Variants in ABCA2 observed in about 807,000 individuals in gnomAD.
ABCA2 encodes the protein ATP-binding cassette sub-family A member 2.
Under a neutral mutation model 262.8 loss-of-function variants are expected in ABCA2, and 84 were observed. The observed-to-expected ratio is 0.32, with a 90% CI of 0.27 to 0.38. The LOEUF (loss-of-function observed/expected upper bound fraction) is 0.38, where lower values mean the gene tolerates loss of function less well. Ranked by LOEUF, ABCA2 falls within the 10% of genes least tolerant of loss-of-function variation. The pLI is 1.00. For synonymous variants in ABCA2, 1,696 were observed against 1,502.9 expected (o/e 1.13, Z -2.97); for missense variants, 2,662 against 3,405.9 (o/e 0.78, Z 5.44).
chr9:137,009,332 G>GGGCCCCCCCCC, intron 45 of ABCA2, 38 bp downstream of exon 45: 15 of 980,410 alleles, frequency 1.5e-5, no homozygotes, highest in Non-Finnish European at 2.2e-5. Context: ...CCCCCCCCGG[G>GGGCCCCCCCCC]CCCGCCCCAG....
In ABCA2 at chr9:137,022,342, C is replaced by T. The variant is rs2131466862; in HGVS notation, c.567+9G>A. 6.3e-7 allele frequency: 1 copy of T among 1,596,294 alleles called. No homozygotes were observed. Among genetic ancestry groups the T allele is most frequent in the East Asian group, 2.2e-5 (1 of 44,448 alleles). Reference sequence around the variant, plus strand: ...GAGTGGCCAGGGCTGGGAGCTGTCCCTGCCTTACCTCGGGCGGGTCCACAC... The same window carrying T: ...GAGTGGCCAGGGCTGGGAGCTGTCCTTGCCTTACCTCGGGCGGGTCCACAC... On this transcript the variant is annotated intron_variant, in intron 6 of 48. Transcript: ENST00000341511.
Position 137,011,989 on chromosome 9 carries a change from A to G in ABCA2, c.5390T>C (p.Ile1797Thr). 6.2e-7 allele frequency: 1 copy of G among 1,612,622 alleles called. No homozygotes were observed. Among genetic ancestry groups the G allele is most frequent in the Non-Finnish European group, 8.5e-7 (1 of 1,179,926 alleles). The change falls in exon 35 of 49, where the codon ATC (isoleucine) becomes ACC (threonine). Residue 1797 changes from isoleucine (I) to threonine (T), a missense_variant. Ile to Thr is a moderately conservative substitution (Grantham distance 89). Transcript: ENST00000341511. This position sits in a 1 kb window ranked among gnomAD's most constrained non-coding sequence, Gnocchi z 8.8. ...GAAGGACATGGCCACGATGATGAAG[A>G]TGGCGATGACGACATCCGTGCCCTG... ...LLQGTDVVIA[I>T]FIIVAMSFVP...
Position 137,019,051 on chromosome 9 carries a change from A to G in ABCA2, c.1574T>C (p.Leu525Pro). 1.2e-6 allele frequency: 2 copies of G among 1,611,634 alleles called. No homozygotes were observed. The highest frequency in any genetic ancestry group is 1.7e-6 in the Non-Finnish European group (2 of 1,179,066). ...WLQQYVAELR[L>P]HPEALNLSLD... ...TGACAGGTTCAGTGCCTCGGGGTGC[A>G]GCCGCAGCTCTGCTACATACTTGGG... Residue 525 changes from leucine (L) to proline (P), a missense_variant, in exon 12 of 49, where the codon CTG becomes CCG. This residue lies in a region of ABCA2 where 187 missense variants were observed against 205.9 expected (regional missense o/e 0.91). Coordinates refer to ENST00000341511, the MANE Select transcript of ABCA2 (RefSeq NM_001606.5). This position sits in a 1 kb window ranked among gnomAD's most constrained non-coding sequence, Gnocchi z 4.4.
rs775082626 is a variant in ABCA2 at position 137,015,112 on chromosome 9, G to A, written c.3698-15C>T. On this transcript the variant is annotated splice_polypyrimidine_tract_variant and intron_variant, in intron 24 of 48. Transcript: ENST00000341511. ...CAGCCCTGGCTCTGTGGGGGACGTG[G>A]GAGCAGGAAGGAATTCACTCAGGGG... 3 of 1,559,924 alleles carry A rather than the reference G, an allele frequency of 1.9e-6. No individual in the cohort carries two copies. Among genetic ancestry groups the A allele is most frequent in the South Asian group, 2.4e-5 (2 of 82,986 alleles).
Position 137,019,109 on chromosome 9 carries a change from T to C in ABCA2, c.1555-39A>G. The C allele has an allele frequency of 6.2e-7, 1 of 1,602,214 alleles. No individual in the cohort carries two copies. The highest frequency in any genetic ancestry group is 1.3e-5 in the African/African-American group (1 of 74,842). On this transcript the variant is annotated intron_variant, in intron 11 of 48. Coordinates refer to ENST00000341511, the MANE Select transcript of ABCA2 (RefSeq NM_001606.5). The surrounding 1 kb of genome is among the most constrained non-coding windows in gnomAD (Gnocchi z 4.4). Reference sequence around the variant, plus strand: ...GGCGGCTCAGAGGGGGACCTGCGCCTGCCGAGCCGGGCAGAGAGGGGCTCC... The same window carrying C: ...GGCGGCTCAGAGGGGGACCTGCGCCCGCCGAGCCGGGCAGAGAGGGGCTCC...
In ABCA2 at chr9:137,015,979, G is replaced by C. The variant is rs772572717; in HGVS notation, c.3300C>G (p.Ile1100Met). The change falls in exon 22 of 49, where the codon ATC (isoleucine) becomes ATG (methionine). Residue 1100 changes from isoleucine to methionine, a missense_variant. By Grantham distance (10) the Ile-to-Met change is conservative (BLOSUM62 1). This residue lies in a region of ABCA2 where 180 missense variants were observed against 307.3 expected (regional missense o/e 0.59). Coordinates refer to ENST00000341511, the MANE Select transcript of ABCA2 (RefSeq NM_001606.5). ...SRLKSMAQEE[I>M]RREMDKMIED... is the part of the protein sequence containing the mutation. ...CCACCCACTTGTCCATCTCTCTGCG[G>C]ATCTCCTCCTGAGCCATGCTCTTGA... is the stretch of plus-strand genomic sequence containing the variant. The C allele has an allele frequency of 1.3e-6, 2 of 1,599,094 alleles. No homozygotes were observed. The highest frequency in any genetic ancestry group is 1.7e-6 in the Non-Finnish European group (2 of 1,171,744).
intron 16 of ABCA2, 47 bp from the exon 17 acceptor site, chr9:137,017,739 C>A (rs1413265440): frequency 6.2e-7 from 1 of 1,608,868 alleles, no homozygotes; most frequent in Admixed American, 1.7e-5. Flanking sequence ...GAGGACGCCG[C>A]CCCTCCCTGC....
intron 40 of ABCA2, 59 bp downstream of exon 40, chr9:137,010,561 C>T: frequency 1.3e-6 from 2 of 1,584,790 alleles, no homozygotes; most frequent in African/African-American, 1.3e-5. Flanking sequence ...TGCTGGGGCC[C>T]CACCCCCCTG....
intron 45 of ABCA2, 35 bp downstream of exon 45, chr9:137,009,335 C>T (rs574261726): frequency 3.4e-5 from 40 of 1,168,370 alleles, no homozygotes; most frequent in African/African-American, 6.1e-5. Flanking sequence ...CCCCCGGGCC[C>T]GCCCCAGCCC....
Position 137,013,454 on chromosome 9 carries a change from G to A in ABCA2, c.4550+7C>T. 2 of 1,600,630 alleles carry A rather than the reference G, an allele frequency of 1.2e-6. No individual in the cohort carries two copies. The highest frequency in any genetic ancestry group is 1.7e-5 in the Admixed American group (1 of 57,434). Reference sequence around the variant, plus strand: ...CCCACCAAGGCTGCCCCCGCTGGAGGCCTCACCGGTACTCGCGGCGCTCCT... The same window carrying A: ...CCCACCAAGGCTGCCCCCGCTGGAGACCTCACCGGTACTCGCGGCGCTCCT... On this transcript the variant is annotated splice_region_variant and intron_variant, in intron 29 of 48. Transcript: ENST00000341511.
At position 137,011,876 on chromosome 9, in the gene ABCA2, T is replaced by G. The variant is rs1423105038; in HGVS notation, c.5503A>C (p.Ile1835Leu). ...LQFVSGCNPI[I>L]YWLANYVWDM... ...CACACGTAGTTCGCCAGCCAGTAGA[T>G]GATGGGGTTGCAGCCGCTGACAAAC... Residue 1835 changes from isoleucine (I) to leucine (L), a missense_variant, in exon 35 of 49, where the codon ATC (isoleucine) becomes CTC (leucine). Physicochemically the swap from Ile to Leu is conservative, Grantham distance 5 (BLOSUM62 2). Coordinates refer to ENST00000341511, the MANE Select transcript of ABCA2 (RefSeq NM_001606.5). The surrounding 1 kb of genome is among the most constrained non-coding windows in gnomAD (Gnocchi z 8.8). 1.2e-6 allele frequency: 2 copies of G among 1,609,010 alleles called. No individual in the cohort carries two copies. The highest frequency in any genetic ancestry group is 2.7e-5 in the African/African-American group (2 of 74,802).
rs1829021106 is a variant in ABCA2, at chr9:137,011,978, C to A, written c.5401G>T (p.Val1801Leu). ...CTGGCCGGCACGAAGGACATGGCCACGATGATGAAGATGGCGATGACGACA... is the reference window on the plus strand; with the variant it reads ...CTGGCCGGCACGAAGGACATGGCCAAGATGATGAAGATGGCGATGACGACA... ...TDVVIAIFII[V>L]AMSFVPASFV... Residue 1801 changes from valine to leucine, a missense_variant, in exon 35 of 49, where the codon GTG becomes TTG. Val to Leu is a conservative substitution (Grantham distance 32). Around this residue, in one of 12 missense-constraint regions of ABCA2, gnomAD observed 602 missense variants for 897.4 expected, o/e 0.67. Transcript: ENST00000341511. The surrounding 1 kb of genome is among the most constrained non-coding windows in gnomAD (Gnocchi z 8.8). The A allele has an allele frequency of 6.2e-7, 1 of 1,612,516 alleles. No homozygotes were observed. The highest frequency in any genetic ancestry group is 1.3e-5 in the African/African-American group (1 of 74,914).
chr9:137,008,510 CG>C lies in ABCA2; in HGVS notation c.7180del (p.Arg2394GlyfsTer225). The C allele has an allele frequency of 6.3e-7, 1 of 1,586,096 alleles. No individual in the cohort carries two copies. The highest frequency in any genetic ancestry group is 8.6e-7 in the Non-Finnish European group (1 of 1,166,844). ...TGCCCGGAGCTCCGTGGGGGCAGAC[CG>C]GGGCCGGAGCAGGCTGAGCAAGCAG... Reference protein sequence around the residue: ...LGCLLSLLRPRSAPTELRALV... With the variant: ...LGCLLSLLRPXSAPTELRALV... On this transcript the variant is annotated frameshift_variant, in exon 48 of 49. Coordinates refer to ENST00000341511, the MANE Select transcript of ABCA2 (RefSeq NM_001606.5). LOFTEE classifies it high-confidence loss of function.
chr9:137,016,962 C>G lies in ABCA2; in HGVS notation c.2716G>C (p.Val906Leu), dbSNP rs1421869716. ...AVTMLMVDAV[V>L]YGILTWYIEA... ...ATGTACCACGTGAGGATGCCATAGA[C>G]CACGGCGTCCACCATCAGCATGGTG... The change falls in exon 19 of 49, where the codon GTC becomes CTC. Residue 906 changes from valine (V) to leucine (L), a missense_variant. Transcript: ENST00000341511. The G allele has an allele frequency of 1.9e-6, 3 of 1,612,654 alleles. No individual in the cohort carries two copies. Among genetic ancestry groups the G allele is most frequent in the Non-Finnish European group, 2.5e-6 (3 of 1,180,002 alleles).
chr9:137,018,196 C>T lies in ABCA2; in HGVS notation c.1975G>A (p.Gly659Ser). Residue 659 changes from glycine to serine, a missense_variant, in exon 14 of 49, where the codon GGC (glycine) becomes AGC (serine). Around this residue, in one of 12 missense-constraint regions of ABCA2, gnomAD observed 188 missense variants for 343.4 expected, o/e 0.55. Transcript: ENST00000341511. ...NTGGRFYFLY[G>S]FVWIQDMMER... ...TCCTCACCCTGGATCCAGACGAAGC[C>T]GTAGAGGAAGTAGAAGCGGCCGCCA... The T allele has an allele frequency of 1.2e-6, 2 of 1,611,938 alleles. No individual in the cohort carries two copies. Among genetic ancestry groups the T allele is most frequent in the East Asian group, 2.2e-5 (1 of 44,768 alleles).
chr9:137,022,368 G>T lies in ABCA2; in HGVS notation c.550C>A (p.Arg184Ser), dbSNP rs367828133. ...NSTAQALLAARVDPPEVYHLL... is the reference protein window; with the variant it reads ...NSTAQALLAASVDPPEVYHLL... ...TGCCTTACCTCGGGCGGGTCCACAC[G>T]GGCGGCCAAGAGTGCTTGGGCCGTG... is the stretch of plus-strand genomic sequence containing the variant. The change falls in exon 6 of 49, where the codon CGT (arginine) becomes AGT (serine). Residue 184 changes from arginine (R) to serine (S), a missense_variant. Physicochemically the swap from Arg to Ser is moderately radical, Grantham distance 110. This residue lies in a region of ABCA2 where 403 missense variants were observed against 375.9 expected (regional missense o/e 1.07). Coordinates refer to ENST00000341511, the MANE Select transcript of ABCA2 (RefSeq NM_001606.5). 3.7e-6 allele frequency: 6 copies of T among 1,608,956 alleles called. No individual in the cohort carries two copies. Among genetic ancestry groups the T allele is most frequent in the East Asian group, 4.5e-5 (2 of 44,786 alleles).
At position 137,012,565 on chromosome 9, in the gene ABCA2, C is replaced by T. The variant is rs754026915; in HGVS notation, c.5107G>A (p.Val1703Ile). ...AATGAGGCTGGGATGGACTTCAGGACGTTTCCAAAGGTGATGGCCCCATAC... is the reference window on the plus strand; with the variant it reads ...AATGAGGCTGGGATGGACTTCAGGATGTTTCCAAAGGTGATGGCCCCATAC... ...HRYGAITFGN[V>I]LKSIPASFGT... is the part of the protein sequence containing the mutation. Residue 1703 changes from valine (V) to isoleucine (I), a missense_variant, in exon 32 of 49, where the codon GTC becomes ATC. Coordinates refer to ENST00000341511, the MANE Select transcript of ABCA2 (RefSeq NM_001606.5). The T allele has an allele frequency of 2.7e-5, 44 of 1,611,792 alleles. No individual in the cohort carries two copies. In the East Asian group the frequency reaches 6.5e-4, roughly 24 times the overall value.
intron 17 of ABCA2, 59 bp from the exon 18 acceptor site, chr9:137,017,405 G>A (rs1588518762): frequency 6.2e-6 from 10 of 1,606,388 alleles, no homozygotes; most frequent in Non-Finnish European, 8.5e-6. Context: ...CTCCTGGGCA[G>A]GCCCGTGCCA....
In ABCA2 at chr9:137,012,470, C is replaced by G. The variant is rs139056255; in HGVS notation, c.5187+15G>C. ...CGCTACACACAGCGGGGCCCAGGCCCGCAGCCTCGCTCACCTGGGCAGCCC... is the reference window on the plus strand; with the variant it reads ...CGCTACACACAGCGGGGCCCAGGCCGGCAGCCTCGCTCACCTGGGCAGCCC... On this transcript the variant is annotated intron_variant, in intron 32 of 48. Transcript: ENST00000341511. 1.2e-4 allele frequency: 190 copies of G among 1,610,824 alleles called. No homozygotes were observed. In the African/African-American group the frequency reaches 2.3e-3, roughly 19 times the overall value.
Sources: allele counts gnomAD v4.1 joint callset, GRCh38; gene constraint gnomAD v4.1.1; regional missense constraint gnomAD v4.1.1; non-coding constraint Gnocchi (gnomAD v3.1); transcripts MANE v1.5; gene names NCBI Gene and HGNC (gene_info 2026-07-23, HGNC 2026-07-21).